The following CCPG1 variants were observed in gnomAD, a reference collection of about 807,000 sequenced individuals.
CCPG1 encodes the protein cell cycle progression protein 1.
CCPG1 carries 46 observed loss-of-function variants against 81.3 expected under a neutral mutation model. That is an observed-to-expected ratio of 0.57 (90% CI 0.45 to 0.72). The LOEUF is 0.72. Among genes scored for constraint, CCPG1 ranks in the 30% least tolerant of loss-of-function variants. The pLI, the probability that CCPG1 is intolerant of heterozygous loss-of-function variation, is 0.00. For missense variants in CCPG1, 902 were observed against 937.6 expected, an observed-to-expected ratio of 0.96 and a Z score of 0.50; for synonymous variants, 330 against 305.2, an observed-to-expected ratio of 1.08 and a Z score of -0.85.
At chr15:55,363,020 A>G (rs1384783685) in intron 7 of CCPG1, among the ~76,000 whole-genome samples, 2 of 151,894 alleles carry the variant, frequency 1.3e-5, no homozygotes, top group Non-Finnish European at 2.9e-5. Context: ...AGCCTGGGCA[A>G]TAAGAATGAA....
At chr15:55,393,664 C>G (rs1039604115) in intron 1 of CCPG1, among the ~76,000 whole-genome samples, 1 of 152,128 alleles carries the variant, frequency 6.6e-6, no homozygotes. Context: ...AGGTCTCACT[C>G]TGTCACTCAG....
At chr15:55,359,263 C>T in intron 8 of CCPG1, 1 of 1,106,800 alleles carries the variant, frequency 9.0e-7, no homozygotes, top group Non-Finnish European at 1.1e-6. Flanking sequence ...ACAAACTTGG[C>T]CAAAGTAGGA....
intron 3 of CCPG1, among the ~76,000 whole-genome samples, chr15:55,379,847 C>T (rs1037094140): frequency 1.3e-5 from 2 of 151,598 alleles, no homozygotes; most frequent in African/African-American, 4.8e-5. Flanking sequence ...ACCTGTAATC[C>T]CAGCAGTTTG....
chr15:55,365,941 T>C (rs2056318155), intron 6 of CCPG1, among the ~76,000 whole-genome samples: 1 of 151,046 alleles, frequency 6.6e-6, no homozygotes, highest in African/African-American at 2.4e-5. Context: ...AAAATAAAAA[T>C]AAAATAAAAT....
rs148436995 is a variant in CCPG1, at chr15:55,376,118, C to A, written c.454+831G>T. ...AAAAAATTATCTAAAATAGATACTA[C>A]CTGTTTCCTGTTTCTTCGTCAAATT... is the stretch of plus-strand genomic sequence containing the variant. On this transcript the variant is annotated intron_variant, in intron 5 of 8. Coordinates refer to ENST00000442196, the MANE Select transcript of CCPG1 (RefSeq NM_001204450.2). Among the ~76,000 whole-genome samples, 6 of 152,312 alleles carry A rather than the reference C, an allele frequency of 3.9e-5. No homozygotes were observed. The East Asian group carries it at 1.2e-3, about 29-fold the overall frequency.
rs57640801 is a variant in CCPG1, at chr15:55,379,161, CGTGTGTGTGT to C, written c.176-795_176-786del. On this transcript the variant is annotated intron_variant, in intron 3 of 8. Coordinates refer to ENST00000442196, the MANE Select transcript of CCPG1 (RefSeq NM_001204450.2). ...TTATGAAAGTATGTATGTATATGTACGTGTGTGTGTGTGTGTGTGTGTGTGTGTGTGTCTA... is the reference window on the plus strand; with the variant it reads ...TTATGAAAGTATGTATGTATATGTACGTGTGTGTGTGTGTGTGTGTGTCTA... 2.2e-5 allele frequency among the ~76,000 whole-genome samples: 3 copies of C among 134,680 alleles called. No individual in the cohort carries two copies. The East Asian group carries it at 6.1e-4, about 27-fold the overall frequency. The allele number at this position is 134,680 out of a possible 152,430, so 88.4% of individuals were successfully genotyped here.
intron 2 of CCPG1, among the ~76,000 whole-genome samples, chr15:55,387,136 A>C (rs1344372587): frequency 6.6e-6 from 1 of 152,228 alleles, no homozygotes; most frequent in African/African-American, 2.4e-5. Flanking sequence ...GAAAGCAGAT[A>C]TAGAAGAAGA....
At chr15:55,402,698 C>A (rs1436204429) in intron 1 of CCPG1, among the ~76,000 whole-genome samples, 2 of 152,182 alleles carry the variant, frequency 1.3e-5, no homozygotes, top group East Asian at 3.8e-4. Context: ...ATGCTTTAAA[C>A]ATGAAATGTA....
chr15:55,407,432 T>C (rs1264311286), intron 1 of CCPG1, among the ~76,000 whole-genome samples: 4 of 152,150 alleles, frequency 2.6e-5, no homozygotes, highest in Admixed American at 1.3e-4. Flanking sequence ...TCCTGTAGAT[T>C]GGAGGAGACA....
intron 2 of CCPG1, among the ~76,000 whole-genome samples, chr15:55,387,894 G>A: frequency 6.7e-6 from 1 of 148,172 alleles, no homozygotes; most frequent in South Asian, 2.3e-4. Context: ...GCTCACGCCT[G>A]TAATCCCAGT....
At position 55,389,297 on chromosome 15, in the gene CCPG1, AAC is replaced by A. The variant is rs1271489562; in HGVS notation, c.60+66_60+67del. ...GGTAGAAAAAGACTGATCTTCAAAG[AAC>A]ACAGTTTACATCACTGGTAACATTA... On this transcript the variant is annotated intron_variant, in intron 2 of 8. Coordinates refer to ENST00000442196, the MANE Select transcript of CCPG1 (RefSeq NM_001204450.2). 5 of 1,110,600 alleles carry A rather than the reference AAC, an allele frequency of 4.5e-6. No homozygotes were observed. In the Admixed American group the frequency reaches 5.7e-5, roughly 13 times the overall value. The allele number at this position is 1,110,600 out of a possible 1,614,324, so 68.8% of individuals were successfully genotyped here.
chr15:55,378,328 G>A lies in CCPG1; in HGVS notation c.224C>T (p.Ala75Val). The change falls in exon 4 of 9, where the codon GCT becomes GTT. Residue 75 changes from alanine (A) to valine (V), a missense_variant. Physicochemically the swap from Ala to Val is moderately conservative, Grantham distance 64. Transcript: ENST00000442196. ...TVLMEETAYP[A>V]LEETSSTIEA... ...AATTGTTGAGCTGGTTTCCTCCAAAGCTGGATAAGCAGTTTCTTCCATAAG... is the reference window on the plus strand; with the variant it reads ...AATTGTTGAGCTGGTTTCCTCCAAAACTGGATAAGCAGTTTCTTCCATAAG... 6.2e-7 allele frequency: 1 copy of A among 1,611,446 alleles called. No homozygotes were observed. The highest frequency in any genetic ancestry group is 1.1e-5 in the South Asian group (1 of 90,916).
intron 1 of CCPG1, among the ~76,000 whole-genome samples, chr15:55,394,064 A>G (rs2056972824): frequency 6.6e-6 from 1 of 152,140 alleles, no homozygotes; most frequent in Non-Finnish European, 1.5e-5. Context: ...CTCCACCAGT[A>G]ACACAGCCTC....
intron 6 of CCPG1, among the ~76,000 whole-genome samples, chr15:55,369,850 T>A (rs1044714197): frequency 6.6e-6 from 1 of 152,204 alleles, no homozygotes; most frequent in Non-Finnish European, 1.5e-5. Context: ...TTAATGCAAT[T>A]TGGATTAACA....
chr15:55,362,153 A>G (rs943124672), intron 7 of CCPG1, among the ~76,000 whole-genome samples: 11 of 152,208 alleles, frequency 7.2e-5, no homozygotes, highest in African/African-American at 2.7e-4. Flanking sequence ...CTAACCAAAA[A>G]CAGTCAAAAC....
intron 6 of CCPG1, among the ~76,000 whole-genome samples, chr15:55,369,219 T>C (rs2141262720): frequency 6.6e-6 from 1 of 151,936 alleles, no homozygotes; most frequent in Non-Finnish European, 1.5e-5. Flanking sequence ...CAAAGAATGT[T>C]GAGATCAGTG....
rs1258607053 is a variant in CCPG1, at chr15:55,378,383, T to C, written c.176-7A>G. On this transcript the variant is annotated splice_polypyrimidine_tract_variant and splice_region_variant and intron_variant, in intron 3 of 8. Coordinates refer to ENST00000442196, the MANE Select transcript of CCPG1 (RefSeq NM_001204450.2). ...GTGCCATTTTGGCTGCTTTCTGATATAAAGCAAAGATCAATATAATTATTT... is the reference window on the plus strand; with the variant it reads ...GTGCCATTTTGGCTGCTTTCTGATACAAAGCAAAGATCAATATAATTATTT... The C allele has an allele frequency of 6.4e-7, 1 of 1,568,468 alleles. No homozygotes were observed. Among genetic ancestry groups the C allele is most frequent in the Non-Finnish European group, 8.8e-7 (1 of 1,141,904 alleles).
chr15:55,390,577 AAAAT>A (rs2056894754), intron 1 of CCPG1, among the ~76,000 whole-genome samples: 1 of 152,198 alleles, frequency 6.6e-6, no homozygotes, highest in Non-Finnish European at 1.5e-5. Context: ...GAACAGGGCA[AAAAT>A]ACAGATCTAT....
At chr15:55,363,113 C>T (rs1056225205) in intron 7 of CCPG1, among the ~76,000 whole-genome samples, 2 of 151,846 alleles carry the variant, frequency 1.3e-5, no homozygotes, top group Admixed American at 6.6e-5. Context: ...TTTGGGAGGC[C>T]GAGGCAGGCA....
Sources: gnomAD v4.1 joint callset for allele counts (sites outside exome capture counted in the v4.1 genomes callset) on GRCh38, gnomAD v4.1.1 for gene constraint, MANE v1.5 for transcripts, NCBI Gene and HGNC (gene_info 2026-07-23, HGNC 2026-07-21) for gene names.